LHFPL3: variants seen among roughly 807,000 people sequenced by gnomAD.
LHFPL3 encodes the protein LHFPL tetraspan subfamily member 3 protein.
Under a neutral mutation model 19.3 loss-of-function variants are expected in LHFPL3, and 5 were observed. That is an observed-to-expected ratio of 0.26 (90% CI 0.14 to 0.54). LHFPL3 has a LOEUF of 0.54. LHFPL3 is among the 20% of genes least tolerant of loss of function. The pLI, the probability that LHFPL3 is intolerant of heterozygous loss-of-function variation, is 0.94. For missense variants in LHFPL3, 249 were observed against 307.4 expected, an observed-to-expected ratio of 0.81 and a Z score of 1.42; for synonymous variants, 133 against 126.2, an observed-to-expected ratio of 1.05 and a Z score of -0.36.
chr7:104,829,070 C>G (rs966240132), intron 2 of LHFPL3, among the ~76,000 whole-genome samples: 1 of 151,752 alleles, frequency 6.6e-6, no homozygotes, highest in Non-Finnish European at 1.5e-5. Context: ...ACTCCCAAAG[C>G]TCATACTTAT....
At chr7:104,391,597 A>G (rs970685345) in intron 1 of LHFPL3, among the ~76,000 whole-genome samples, 10 of 152,138 alleles carry the variant, frequency 6.6e-5, no homozygotes, top group Admixed American at 2.0e-4. Flanking sequence ...GCCTTGTAGT[A>G]TAGTTTGAAG....
At chr7:104,720,788 T>A (rs1005014439) in intron 1 of LHFPL3, among the ~76,000 whole-genome samples, 3 of 152,056 alleles carry the variant, frequency 2.0e-5, no homozygotes, top group Non-Finnish European at 4.4e-5. Context: ...CATGAAAAAA[T>A]GCTCATCATC....
intron 1 of LHFPL3, among the ~76,000 whole-genome samples, chr7:104,562,158 G>A (rs934803944): frequency 4.2e-4 from 64 of 151,746 alleles, no homozygotes; most frequent in Middle Eastern, 3.4e-3. Context: ...ACAATTATGT[G>A]TCTTGGAGTT....
chr7:104,661,380 C>G (rs1792221030), intron 1 of LHFPL3, among the ~76,000 whole-genome samples: 1 of 152,164 alleles, frequency 6.6e-6, no homozygotes, highest in Admixed American at 6.5e-5. Context: ...AATAGCTGAA[C>G]TGACTCATTT....
At chr7:104,614,589 CTCTCTTCTCTTCTCTTCTCT>C (rs148097671) in intron 1 of LHFPL3, among the ~76,000 whole-genome samples, 682 of 63,818 alleles carry the variant, frequency 0.011, 22 homozygotes, top group East Asian at 0.021. Context: ...CTTCTCTTCT[CTCTCTTCTCTTCTCTTCTCT>C]TCTCTTCTCT....
At chr7:104,737,339 T>C (rs975644524) in intron 2 of LHFPL3, among the ~76,000 whole-genome samples, 4 of 152,142 alleles carry the variant, frequency 2.6e-5, no homozygotes, top group Admixed American at 6.5e-5. Context: ...TCTATATATA[T>C]CTTTATTAAA....
intron 1 of LHFPL3, among the ~76,000 whole-genome samples, chr7:104,675,378 C>A (rs1792571039): frequency 6.6e-6 from 1 of 152,200 alleles, no homozygotes; most frequent in Admixed American, 6.5e-5. Flanking sequence ...GCAGCTCATG[C>A]AGGACTTCCT....
chr7:104,845,775 ATAC>A (rs774861620), intron 2 of LHFPL3, among the ~76,000 whole-genome samples: 1 of 152,210 alleles, frequency 6.6e-6, no homozygotes, highest in Non-Finnish European at 1.5e-5. Flanking sequence ...TCACTGCAAC[ATAC>A]TACTACAGTG....
At chr7:104,616,806 GA>G (rs1413560013) in intron 1 of LHFPL3, among the ~76,000 whole-genome samples, 2 of 150,864 alleles carry the variant, frequency 1.3e-5, no homozygotes, top group African/African-American at 2.4e-5. Context: ...AAATTTACAG[GA>G]AAAAAAACAA....
intron 1 of LHFPL3, among the ~76,000 whole-genome samples, chr7:104,577,498 G>C (rs1357789825): frequency 6.6e-6 from 1 of 152,158 alleles, no homozygotes; most frequent in Non-Finnish European, 1.5e-5. Context: ...ATATATATGT[G>C]TGTACAAGTA....
intron 1 of LHFPL3, among the ~76,000 whole-genome samples, chr7:104,621,640 A>C (rs1450566471): frequency 1.3e-5 from 2 of 152,148 alleles, no homozygotes; most frequent in Non-Finnish European, 2.9e-5. Flanking sequence ...ATAATGTCAC[A>C]CTAGAGAGTT....
At chr7:104,721,570 GATGTATAGC>G (rs921094095) in intron 1 of LHFPL3, among the ~76,000 whole-genome samples, 6 of 151,996 alleles carry the variant, frequency 3.9e-5, no homozygotes, top group Non-Finnish European at 8.8e-5. Flanking sequence ...CCTGATGTAG[GATGTATAGC>G]ATGGAGGAGT....
rs113721293 is a variant in LHFPL3, at chr7:104,706,292, G to A, written c.446-30383G>A. Among the ~76,000 whole-genome samples, 149 of 152,098 alleles carry A rather than the reference G, an allele frequency of 9.8e-4. 2 individuals carry two copies. Among genetic ancestry groups the A allele is most frequent in the African/African-American group, 3.4e-3 (140 of 41,478 alleles). ...CCTGCTGCCAGCCAGTGTCACCACC[G>A]AGAGGTGAACCAGAAAAGGATATTA... On this transcript the variant is annotated intron_variant, in intron 1 of 2. Coordinates refer to ENST00000424859, the MANE Select transcript of LHFPL3 (RefSeq NM_199000.3).
chr7:104,732,635 T>C (rs567896559), intron 1 of LHFPL3, among the ~76,000 whole-genome samples: 3 of 152,180 alleles, frequency 2.0e-5, no homozygotes, highest in South Asian at 2.1e-4. Context: ...ATTAGTCTTG[T>C]TAGTGGTCTA....
At chr7:104,698,345 C>T (rs939635043) in intron 1 of LHFPL3, among the ~76,000 whole-genome samples, 3 of 152,154 alleles carry the variant, frequency 2.0e-5, no homozygotes, top group African/African-American at 7.2e-5. Context: ...TTAAAGTTAA[C>T]CATTTCTCTT....
At chr7:104,776,783 T>C (rs1207691572) in intron 2 of LHFPL3, among the ~76,000 whole-genome samples, 2 of 152,200 alleles carry the variant, frequency 1.3e-5, no homozygotes, top group African/African-American at 2.4e-5. Context: ...GATGTGAGGA[T>C]TCAGATTGCA....
chr7:104,716,033 G>A (rs1793378577), intron 1 of LHFPL3, among the ~76,000 whole-genome samples: 1 of 152,142 alleles, frequency 6.6e-6, no homozygotes, highest in Non-Finnish European at 1.5e-5. Flanking sequence ...GGAGCAATTA[G>A]GCAGGAGAAG....
chr7:104,663,135 A>C (rs894575955), intron 1 of LHFPL3, among the ~76,000 whole-genome samples: 13 of 152,216 alleles, frequency 8.5e-5, no homozygotes, highest in African/African-American at 3.1e-4. Context: ...AGAACTTGAA[A>C]GTTTTCTAGT....
chr7:104,855,170 T>A (rs1791480191), intron 2 of LHFPL3, among the ~76,000 whole-genome samples: 1 of 152,100 alleles, frequency 6.6e-6, no homozygotes. Context: ...AACAGATTAG[T>A]GAGGAGGGGA....
Sources: gnomAD v4.1 joint callset for allele counts (sites outside exome capture counted in the v4.1 genomes callset) on GRCh38, gnomAD v4.1.1 for gene constraint, MANE v1.5 for transcripts, NCBI Gene and HGNC (gene_info 2026-07-23, HGNC 2026-07-21) for gene names.